The following KCNH1 variants were observed in gnomAD, a reference collection of about 807,000 sequenced individuals.
KCNH1 encodes potassium voltage-gated channel subfamily H member 1.
KCNH1 carries 27 observed loss-of-function variants against 69.2 expected under a neutral mutation model. That is an observed-to-expected ratio of 0.39 (90% CI 0.29 to 0.54). The LOEUF (loss-of-function observed/expected upper bound fraction) is 0.54. Ranked by LOEUF, KCNH1 falls within the 20% of genes least tolerant of loss-of-function variation. The pLI, the probability that KCNH1 is intolerant of heterozygous loss-of-function variation, is 0.68. For synonymous variants in KCNH1, 456 were observed against 487.7 expected, an observed-to-expected ratio of 0.93 and a Z score of 0.86; for missense variants, 798 against 1,261.6, an observed-to-expected ratio of 0.63 and a Z score of 5.57.
chr1:210,747,641 G>C (rs1453037838), intron 10 of KCNH1, among the ~76,000 whole-genome samples: 1 of 56,314 alleles, frequency 1.8e-5, no homozygotes, highest in Non-Finnish European at 4.3e-5. Flanking sequence ...TCTTTCACAT[G>C]CAAAAAAAAA....
At chr1:210,774,973 A>T (rs1227673003) in intron 10 of KCNH1, among the ~76,000 whole-genome samples, 5 of 152,220 alleles carry the variant, frequency 3.3e-5, no homozygotes, top group African/African-American at 9.6e-5. Context: ...CAGTCACCAC[A>T]GAGAATTCAG....
At chr1:210,986,003 C>T (rs1234927344) in intron 6 of KCNH1, among the ~76,000 whole-genome samples, 1 of 152,168 alleles carries the variant, frequency 6.6e-6, no homozygotes, top group Non-Finnish European at 1.5e-5. Flanking sequence ...ATAGTTAGCT[C>T]TTCTTGTTGA....
intron 1 of KCNH1, among the ~76,000 whole-genome samples, chr1:211,132,430 G>T (rs891767049): frequency 4.6e-5 from 7 of 152,110 alleles, no homozygotes; most frequent in African/African-American, 1.4e-4. Context: ...ACCTTAGTTT[G>T]AATAAGGAAG....
At chr1:210,789,933 G>C (rs1462391193) in intron 9 of KCNH1, among the ~76,000 whole-genome samples, 2 of 152,178 alleles carry the variant, frequency 1.3e-5, no homozygotes, top group Non-Finnish European at 2.9e-5. Flanking sequence ...ACAGGGTCTT[G>C]CTATGATGCC....
rs1329249121 is a variant in KCNH1 at position 210,683,354 on chromosome 1, G to T, written c.2897C>A (p.Ser966Tyr). The change falls in exon 11 of 11, where the codon TCT (serine) becomes TAT (tyrosine). Residue 966 changes from serine (S) to tyrosine (Y), a missense_variant. Coordinates refer to ENST00000271751, the MANE Select transcript of KCNH1 (RefSeq NM_172362.3). The surrounding 1 kb of genome is among the most constrained non-coding windows in gnomAD (Gnocchi z 5.7). Reference sequence around the variant, plus strand: ...CGATATTTCAAACAACTCCTGAGGAGACTGAGAGGATCTTCTGGAAGTTAA... The same window carrying T: ...CGATATTTCAAACAACTCCTGAGGATACTGAGAGGATCTTCTGGAAGTTAA... ...RILTSRRSSQ[S>Y]PQELFEISRP... 1 of 1,613,936 alleles carries T rather than the reference G, an allele frequency of 6.2e-7. No homozygotes were observed. Among genetic ancestry groups the T allele is most frequent in the Non-Finnish European group, 8.5e-7 (1 of 1,179,950 alleles).
In KCNH1 at chr1:210,909,521, A is replaced by C. The variant is rs146728764; in HGVS notation, c.1462+10119T>G. On this transcript the variant is annotated intron_variant, in intron 7 of 10. Coordinates refer to ENST00000271751, the MANE Select transcript of KCNH1 (RefSeq NM_172362.3). ...AAGCATCTTTACCTTCATTTATGCC[A>C]TTTAATTTGCATCGTTTCCATTTTC... Among the ~76,000 whole-genome samples the C allele has an allele frequency of 8.5e-4, 130 of 152,340 alleles. 2 individuals are homozygous for C. The South Asian group carries it at 0.011, about 12-fold the overall frequency.
intron 7 of KCNH1, among the ~76,000 whole-genome samples, chr1:210,917,349 AAG>A (rs1289477064): frequency 7.3e-5 from 11 of 149,870 alleles, no homozygotes; most frequent in Non-Finnish European, 1.2e-4. Context: ...GAGAGAGAGA[AAG>A]AGAGAGAGAG....
chr1:211,084,262 C>A (rs767269387), intron 4 of KCNH1, among the ~76,000 whole-genome samples: 12 of 152,128 alleles, frequency 7.9e-5, no homozygotes, highest in Non-Finnish European at 1.6e-4. Context: ...CAGAGGCAGG[C>A]TCTACTTCAG....
At chr1:210,965,830 G>T (rs928165504) in intron 6 of KCNH1, among the ~76,000 whole-genome samples, 4 of 152,076 alleles carry the variant, frequency 2.6e-5, no homozygotes, top group Non-Finnish European at 4.4e-5. Flanking sequence ...TAGATTCAAT[G>T]CTATCCCCAT....
intron 10 of KCNH1, among the ~76,000 whole-genome samples, chr1:210,755,059 C>A (rs896349986): frequency 6.6e-6 from 1 of 151,930 alleles, no homozygotes; most frequent in Non-Finnish European, 1.5e-5. Context: ...CATGCAGTGA[C>A]AAAGGGGCAG....
At chr1:210,928,805 A>C (rs1687627798) in intron 6 of KCNH1, among the ~76,000 whole-genome samples, 1 of 152,168 alleles carries the variant, frequency 6.6e-6, no homozygotes, top group Non-Finnish European at 1.5e-5. Flanking sequence ...TTAACCAAAA[A>C]AGAAAAGATC....
chr1:211,038,203 T>C (rs1253042467), intron 5 of KCNH1, among the ~76,000 whole-genome samples: 1 of 152,038 alleles, frequency 6.6e-6, no homozygotes, highest in Non-Finnish European at 1.5e-5. Context: ...CCTCGTGATC[T>C]GCCCGCCTCA....
intron 10 of KCNH1, among the ~76,000 whole-genome samples, chr1:210,736,425 G>A (rs1311866842): frequency 6.6e-6 from 1 of 152,080 alleles, no homozygotes; most frequent in African/African-American, 2.4e-5. Context: ...GTGCATGCCT[G>A]TAATCCCAGC....
intron 5 of KCNH1, among the ~76,000 whole-genome samples, chr1:211,072,727 T>A (rs1252322086): frequency 1.3e-5 from 2 of 152,148 alleles, no homozygotes; most frequent in Non-Finnish European, 2.9e-5. Context: ...TTTTTTTGCA[T>A]TTTGATTGCT....
At chr1:211,087,917 T>A (rs563230786) in intron 4 of KCNH1, among the ~76,000 whole-genome samples, 1 of 152,004 alleles carries the variant, frequency 6.6e-6, no homozygotes, top group Admixed American at 6.5e-5. Context: ...AGAAGAGAAG[T>A]TACTTTGTGT....
intron 7 of KCNH1, among the ~76,000 whole-genome samples, chr1:210,914,984 A>C (rs564743347): frequency 6.6e-6 from 1 of 152,318 alleles, no homozygotes; most frequent in East Asian, 1.9e-4. Flanking sequence ...CAGCAATGAC[A>C]TTATGAGAAG....
intron 7 of KCNH1, among the ~76,000 whole-genome samples, chr1:210,904,224 C>T (rs1234333257): frequency 2.0e-5 from 3 of 152,122 alleles, no homozygotes; most frequent in Non-Finnish European, 2.9e-5. Flanking sequence ...AACTGCTTTG[C>T]AAAAAGCCTG....
chr1:210,845,404 G>A (rs1458046883), intron 7 of KCNH1, among the ~76,000 whole-genome samples: 1 of 152,032 alleles, frequency 6.6e-6, no homozygotes. Context: ...TTCATCCCTG[G>A]GATGCAAGGC....
intron 7 of KCNH1, among the ~76,000 whole-genome samples, chr1:210,827,298 T>C (rs773764509): frequency 5.3e-5 from 8 of 151,956 alleles, no homozygotes; most frequent in Non-Finnish European, 8.8e-5. Context: ...ATTGCGCCAT[T>C]GCACTCTGGG....
Sources: gnomAD v4.1 joint callset for allele counts (sites outside exome capture counted in the v4.1 genomes callset) on GRCh38, gnomAD v4.1.1 for gene constraint, Gnocchi (gnomAD v3.1) non-coding constraint, MANE v1.5 for transcripts, NCBI Gene and HGNC (gene_info 2026-07-23, HGNC 2026-07-21) for gene names.